RAB3C: variants seen among roughly 807,000 people sequenced by gnomAD.
RAB3C encodes the protein RAB3C, member RAS oncogene family, also known as ras-related protein Rab-3C.
In RAB3C, 17 loss-of-function variants were observed where a neutral mutation model predicts 26.4. That is an observed-to-expected ratio of 0.64 (90% CI 0.44 to 0.97). The LOEUF is 0.97. Ranked by LOEUF, RAB3C falls within the 50% of genes least tolerant of loss-of-function variation. The pLI is 0.00. For synonymous variants in RAB3C, 91 were observed against 95.9 expected (o/e 0.95, Z 0.30); for missense variants, 242 against 281.9 (o/e 0.86, Z 1.01).
intron 2 of RAB3C, among the ~76,000 whole-genome samples, chr5:58,649,677 G>A (rs569117992): frequency 3.3e-5 from 5 of 152,044 alleles, no homozygotes; most frequent in East Asian, 1.9e-4. Flanking sequence ...CACCAAGCCC[G>A]ACAAGCTCTT....
intron 2 of RAB3C, among the ~76,000 whole-genome samples, chr5:58,710,603 T>TATATAAAG (rs1749037193): frequency 1.4e-5 from 2 of 143,046 alleles, no homozygotes; most frequent in Non-Finnish European, 3.1e-5. Context: ...TGTCTCAAAA[T>TATATAAAG]AAATAAATAA....
chr5:58,822,759 C>T, intron 3 of RAB3C: 1 of 538,054 alleles, frequency 1.9e-6, no homozygotes, highest in East Asian at 4.2e-5. Flanking sequence ...CATGAACTAC[C>T]AAAATAAGGT....
At chr5:58,782,076 C>T (rs372279) in intron 3 of RAB3C, among the ~76,000 whole-genome samples, 14,605 of 152,016 alleles carry the variant, frequency 0.096, 1,244 homozygotes, top group African/African-American at 0.22. Context: ...CTGTGTTTTA[C>T]GTGTATTTGC....
chr5:58,781,070 A>G (rs1164452800), intron 3 of RAB3C, among the ~76,000 whole-genome samples: 1 of 152,048 alleles, frequency 6.6e-6, no homozygotes, highest in East Asian at 1.9e-4. Flanking sequence ...TCTGAATAGT[A>G]ACTAGAACTG....
At chr5:58,839,911 G>T (rs1396072165) in intron 4 of RAB3C, among the ~76,000 whole-genome samples, 9 of 145,838 alleles carry the variant, frequency 6.2e-5, no homozygotes, top group Non-Finnish European at 1.4e-4. Context: ...TGGTTGGGAG[G>T]TTTTTTTTTT....
intron 2 of RAB3C, among the ~76,000 whole-genome samples, chr5:58,709,485 G>A (rs1394607980): frequency 4.6e-5 from 7 of 152,162 alleles, no homozygotes; most frequent in Non-Finnish European, 1.0e-4. Flanking sequence ...TCAGGCCGCA[G>A]TTCTCCCCAA....
intron 3 of RAB3C, among the ~76,000 whole-genome samples, chr5:58,772,626 C>T (rs1742053199): frequency 6.6e-6 from 1 of 152,134 alleles, no homozygotes; most frequent in African/African-American, 2.4e-5. Context: ...TCGTGCTTGT[C>T]TTTTGATTTT....
intron 2 of RAB3C, among the ~76,000 whole-genome samples, chr5:58,646,253 G>A (rs753797580): frequency 7.9e-5 from 12 of 152,068 alleles, no homozygotes; most frequent in Non-Finnish European, 1.3e-4. Flanking sequence ...TGTTGTAACT[G>A]ACACAAACAG....
At chr5:58,817,705 T>C in intron 3 of RAB3C, among the ~76,000 whole-genome samples, 1 of 152,310 alleles carries the variant, frequency 6.6e-6, no homozygotes, top group African/African-American at 2.4e-5. Context: ...GATTTCTTTT[T>C]AATACCTCTG....
At chr5:58,827,214 G>A (rs1743502990) in intron 4 of RAB3C, among the ~76,000 whole-genome samples, 1 of 152,198 alleles carries the variant, frequency 6.6e-6, no homozygotes, top group Non-Finnish European at 1.5e-5. Flanking sequence ...AAGAAAGAGA[G>A]GGAGGAAACC....
At chr5:58,757,371 A>G (rs1447355057) in intron 3 of RAB3C, among the ~76,000 whole-genome samples, 2 of 151,504 alleles carry the variant, frequency 1.3e-5, no homozygotes, top group Non-Finnish European at 2.9e-5. Flanking sequence ...GAATACTTCT[A>G]CAACCTTTCT....
intron 3 of RAB3C, among the ~76,000 whole-genome samples, chr5:58,742,861 G>A (rs1288858458): frequency 6.6e-6 from 1 of 152,040 alleles, no homozygotes; most frequent in Non-Finnish European, 1.5e-5. Flanking sequence ...ATTTCCTTAA[G>A]CTGGGAGGAA....
At chr5:58,714,405 T>C (rs912768697) in intron 2 of RAB3C, among the ~76,000 whole-genome samples, 10 of 152,116 alleles carry the variant, frequency 6.6e-5, no homozygotes, top group African/African-American at 2.2e-4. Flanking sequence ...AACAAAAATA[T>C]ATTTGGACAT....
chr5:58,837,854 C>T (rs1413024345), intron 4 of RAB3C, among the ~76,000 whole-genome samples: 1 of 152,154 alleles, frequency 6.6e-6, no homozygotes, highest in African/African-American at 2.4e-5. Context: ...TGACCACACC[C>T]AGCCTTGGTT....
chr5:58,664,169 G>A lies in RAB3C; in HGVS notation c.252+46299G>A, dbSNP rs114624811. 6.2e-3 allele frequency among the ~76,000 whole-genome samples: 938 copies of A among 152,180 alleles called. 18 individuals carry two copies. The highest frequency in any genetic ancestry group is 0.021 in the African/African-American group (860 of 41,532). On this transcript the variant is annotated intron_variant, in intron 2 of 4. Transcript: ENST00000282878. ...CTTACATTTTCATAGAAATCTGTACGTACGTATTTATAACAGCATTATTTT... is the reference window on the plus strand; with the variant it reads ...CTTACATTTTCATAGAAATCTGTACATACGTATTTATAACAGCATTATTTT...
intron 3 of RAB3C, among the ~76,000 whole-genome samples, chr5:58,753,604 A>G (rs907893620): frequency 6.6e-6 from 1 of 152,172 alleles, no homozygotes; most frequent in Admixed American, 6.5e-5. Context: ...GCCAACTGGA[A>G]AGAAATGCTT....
At chr5:58,775,714 A>G (rs1433715501) in intron 3 of RAB3C, among the ~76,000 whole-genome samples, 2 of 152,134 alleles carry the variant, frequency 1.3e-5, no homozygotes. Context: ...TAAAATACCT[A>G]TAGACCAAAT....
At chr5:58,812,577 G>A (rs1743118236) in intron 3 of RAB3C, among the ~76,000 whole-genome samples, 1 of 152,210 alleles carries the variant, frequency 6.6e-6, no homozygotes, top group Admixed American at 6.5e-5. Flanking sequence ...CAGACTGCAA[G>A]CTCCCTGAGA....
At chr5:58,607,952 C>G (rs1746608181) in intron 1 of RAB3C, among the ~76,000 whole-genome samples, 1 of 152,154 alleles carries the variant, frequency 6.6e-6, no homozygotes, top group Non-Finnish European at 1.5e-5. Context: ...TGGAAGGAAA[C>G]AACCGGTACC....
Sources: allele counts gnomAD v4.1 joint callset (sites outside exome capture counted in the v4.1 genomes callset), GRCh38; gene constraint gnomAD v4.1.1; transcripts MANE v1.5; gene names NCBI Gene and HGNC (gene_info 2026-07-23, HGNC 2026-07-21).